The following FCRL1 variants were observed in gnomAD, a reference collection of about 807,000 sequenced individuals.
FCRL1 encodes the protein Fc receptor-like protein 1.
Under a neutral mutation model 49.2 loss-of-function variants are expected in FCRL1, and 34 were observed. The ratio of observed to expected loss-of-function variants is 0.69; its 90% CI spans 0.53 to 0.92. The LOEUF is 0.92. Ranked by LOEUF, FCRL1 falls within the 40% of genes least tolerant of loss-of-function variation. FCRL1 has a pLI of 0.00. For synonymous variants in FCRL1, 218 were observed against 201.6 expected, an observed-to-expected ratio of 1.08 and a Z score of -0.69; for missense variants, 524 against 524.1, an observed-to-expected ratio of 1.00 and a Z score of 0.00.
In FCRL1 at chr1:157,802,043, G is replaced by A. The variant is rs781165930; in HGVS notation, c.758C>T (p.Ser253Leu). ...GGAGGCTCCTCCTCCAGAGGGGGCC[G>A]ACCTGCTCCCCAGGGTGATATCCTC... is the stretch of plus-strand genomic sequence containing the variant. ...YHEDITLGSRSAPSGGGASFN... is the reference protein window; with the variant it reads ...YHEDITLGSRLAPSGGGASFN... Residue 253 changes from serine to leucine, a missense_variant, in exon 5 of 11, where the codon TCG becomes TTG. Coordinates refer to ENST00000368176, the MANE Select transcript of FCRL1 (RefSeq NM_052938.5). The A allele has an allele frequency of 8.1e-6, 13 of 1,614,098 alleles. No homozygotes were observed. Among genetic ancestry groups the A allele is most frequent in the African/African-American group, 4.0e-5 (3 of 74,928 alleles).
chr1:157,796,274 G>T, intron 10 of FCRL1, 104 bp from the exon 11 acceptor site: 2 of 919,580 alleles, frequency 2.2e-6, no homozygotes, highest in Non-Finnish European at 3.5e-6. Context: ...GGCACATCAC[G>T]CAATGCAAAA....
At chr1:157,813,743 A>G (rs1400821839) in intron 1 of FCRL1, among the ~76,000 whole-genome samples, 1 of 152,226 alleles carries the variant, frequency 6.6e-6, no homozygotes, top group African/African-American at 2.4e-5. Flanking sequence ...ATGAAGCTCA[A>G]AAATCCCCAA....
In FCRL1 at chr1:157,820,028, T is replaced by A. The variant is rs1655579299; in HGVS notation, c.10A>T (p.Arg4Trp). The A allele has an allele frequency of 1.2e-6, 2 of 1,614,050 alleles. No homozygotes were observed. The highest frequency in any genetic ancestry group is 2.7e-5 in the African/African-American group (2 of 75,004). The change falls in exon 1 of 11, where the codon AGG becomes TGG. Residue 4 changes from arginine (R) to tryptophan (W), a missense_variant. Physicochemically the swap from Arg to Trp is moderately radical, Grantham distance 101. Coordinates refer to ENST00000368176, the MANE Select transcript of FCRL1 (RefSeq NM_052938.5). ...TCACCACAGATCAACAGCAACAGCCTCGGCAGCATGAGGACCAGGTCAGGG... is the reference window on the plus strand; with the variant it reads ...TCACCACAGATCAACAGCAACAGCCACGGCAGCATGAGGACCAGGTCAGGG... MLP[R>W]LLLLICAPLC...
chr1:157,809,570 T>C (rs1329781725), intron 1 of FCRL1, among the ~76,000 whole-genome samples: 1 of 152,142 alleles, frequency 6.6e-6, no homozygotes, highest in African/African-American at 2.4e-5. Context: ...TGCCTCAGCC[T>C]CCTAAGTAGC....
intron 10 of FCRL1, among the ~76,000 whole-genome samples, chr1:157,796,396 C>T (rs535053699): frequency 5.4e-4 from 82 of 152,368 alleles, no homozygotes; most frequent in Non-Finnish European, 9.6e-4. Flanking sequence ...TGCAAACATA[C>T]AGTGCCTTCG....
Position 157,798,260 on chromosome 1 carries a change from A to T in FCRL1, c.1032-17T>A. 1 of 1,582,308 alleles carries T rather than the reference A, an allele frequency of 6.3e-7. No homozygotes were observed. Among genetic ancestry groups the T allele is most frequent in the South Asian group, 1.1e-5 (1 of 87,378 alleles). ...GGAAGGCTCCTGCAAACACAGAGAC[A>T]CATGTTATTTATCTGAAATTGCATC... On this transcript the variant is annotated splice_polypyrimidine_tract_variant and intron_variant, in intron 7 of 10. Coordinates refer to ENST00000368176, the MANE Select transcript of FCRL1 (RefSeq NM_052938.5).
chr1:157,797,747 A>G, intron 9 of FCRL1, 121 bp downstream of exon 9: 1 of 1,580,106 alleles, frequency 6.3e-7, no homozygotes, highest in Non-Finnish European at 8.6e-7. Context: ...AAGTACACAC[A>G]GTGATGCTCA....
At position 157,802,419 on chromosome 1, in the gene FCRL1, A is replaced by T; in HGVS notation, c.565T>A (p.Tyr189Asn). 1 of 1,614,206 alleles carries T rather than the reference A, an allele frequency of 6.2e-7. No homozygotes were observed. Reference sequence around the variant, plus strand: ...ACCAGCCCACTGGGGCTGGGACCATAGCCATTTTCAGCTACACAGTAATAT... The same window carrying T: ...ACCAGCCCACTGGGGCTGGGACCATTGCCATTTTCAGCTACACAGTAATAT... ...EQYYCVAENG[Y>N]GPSPSGLVSI... Residue 189 changes from tyrosine (Y) to asparagine (N), a missense_variant, in exon 4 of 11, where the codon TAT (tyrosine) becomes AAT (asparagine). Coordinates refer to ENST00000368176, the MANE Select transcript of FCRL1 (RefSeq NM_052938.5).
At chr1:157,817,889 C>G (rs1373143304) in intron 1 of FCRL1, among the ~76,000 whole-genome samples, 1 of 152,074 alleles carries the variant, frequency 6.6e-6, no homozygotes, top group African/African-American at 2.4e-5. Flanking sequence ...AAATGGCCAA[C>G]AGGTATATGA....
At chr1:157,808,261 A>G (rs1283399993) in intron 1 of FCRL1, among the ~76,000 whole-genome samples, 1 of 152,204 alleles carries the variant, frequency 6.6e-6, no homozygotes, top group African/African-American at 2.4e-5. Flanking sequence ...ATTTAAAAAT[A>G]AGTATATAAT....
intron 1 of FCRL1, among the ~76,000 whole-genome samples, chr1:157,814,811 A>G (rs1172776034): frequency 1.3e-5 from 2 of 152,010 alleles, no homozygotes; most frequent in African/African-American, 4.8e-5. Flanking sequence ...AGTTATGCTT[A>G]TATCTGATAT....
At chr1:157,819,466 T>C (rs1430433558) in intron 1 of FCRL1, among the ~76,000 whole-genome samples, 3 of 151,936 alleles carry the variant, frequency 2.0e-5, no homozygotes, top group Non-Finnish European at 2.9e-5. Context: ...GCACATGAAG[T>C]GTAGTTACTG....
At chr1:157,807,483 C>G (rs1653664153) in intron 1 of FCRL1, among the ~76,000 whole-genome samples, 1 of 152,172 alleles carries the variant, frequency 6.6e-6, no homozygotes, top group African/African-American at 2.4e-5. Context: ...TTGCTAACTA[C>G]TTAGCAGCTC....
Position 157,802,660 on chromosome 1 carries a change from G to A in FCRL1, c.324C>T (p.Val108=), listed in dbSNP as rs1375193493. ...TCTCCAAGCTCACATCAGCGACAGG[G>A]ACCCCTGTGTGGACACAAGATGACA... ...SRRSQINVHR[V]PVADVSLETQ... Residue 108 remains valine, a synonymous_variant, in exon 4 of 11, where the codon GTC becomes GTT. Coordinates refer to ENST00000368176, the MANE Select transcript of FCRL1 (RefSeq NM_052938.5). 2.5e-6 allele frequency: 4 copies of A among 1,612,466 alleles called. No individual in the cohort carries two copies. Among genetic ancestry groups the A allele is most frequent in the Non-Finnish European group, 3.4e-6 (4 of 1,179,172 alleles).
At chr1:157,800,600 G>A (rs754447454) in intron 6 of FCRL1, among the ~76,000 whole-genome samples, 1 of 152,144 alleles carries the variant, frequency 6.6e-6, no homozygotes, top group Non-Finnish European at 1.5e-5. Context: ...TTGTGATAAC[G>A]TGTGAATCTA....
intron 9 of FCRL1, among the ~76,000 whole-genome samples, chr1:157,797,497 G>A (rs1651704467): frequency 1.3e-5 from 2 of 152,196 alleles, no homozygotes; most frequent in South Asian, 4.1e-4. Context: ...CACCTCTGAT[G>A]CTGCCACATG....
intron 3 of FCRL1, 61 bp from the exon 4 acceptor site, chr1:157,802,725 G>A (rs1652746742): frequency 1.3e-6 from 2 of 1,518,658 alleles, no homozygotes; most frequent in Admixed American, 4.0e-5. Flanking sequence ...AAGACAGTAA[G>A]TAGATATGAC....
At chr1:157,802,852 T>C (rs539606513) in intron 3 of FCRL1, among the ~76,000 whole-genome samples, 188 bp from the exon 4 acceptor site, 5 of 152,266 alleles carry the variant, frequency 3.3e-5, no homozygotes, top group East Asian at 1.9e-4. Context: ...AAAGACACCA[T>C]AGTATTACCA....
chr1:157,796,217 G>T, intron 10 of FCRL1, 47 bp from the exon 11 acceptor site: 1 of 1,469,316 alleles, frequency 6.8e-7, no homozygotes, highest in Non-Finnish European at 9.5e-7. Flanking sequence ...AGCAGAACAT[G>T]CCTCCACTGG....
Sources: allele counts gnomAD v4.1 joint callset (sites outside exome capture counted in the v4.1 genomes callset), GRCh38; gene constraint gnomAD v4.1.1; transcripts MANE v1.5; gene names NCBI Gene and HGNC (gene_info 2026-07-23, HGNC 2026-07-21).